The following PPARD variants were observed in gnomAD, a reference collection of about 807,000 sequenced individuals.
PPARD encodes peroxisome proliferator-activated receptor delta.
A neutral mutation model predicts 39.5 loss-of-function variants in PPARD; 6 were observed. That is an observed-to-expected ratio of 0.15 (90% confidence interval 0.08 to 0.30). The LOEUF is 0.30. PPARD is among the 10% of genes least tolerant of loss of function. PPARD has a pLI of 1.00. For missense variants in PPARD, 397 were observed against 596.8 expected (o/e 0.67, Z 3.49); for synonymous variants, 210 against 231.3 (o/e 0.91, Z 0.83).
At chr6:35,357,560 A>G (rs1157811411) in intron 2 of PPARD, among the ~76,000 whole-genome samples, 6 of 148,666 alleles carry the variant, frequency 4.0e-5, no homozygotes, top group African/African-American at 1.5e-4. Flanking sequence ...TTTTTTTAAG[A>G]CAGTCTCACT....
At chr6:35,413,307 A>G (rs1765549063) in intron 3 of PPARD, among the ~76,000 whole-genome samples, 1 of 152,174 alleles carries the variant, frequency 6.6e-6, no homozygotes, top group Non-Finnish European at 1.5e-5. Context: ...CACCAGTCAC[A>G]TGGTACTATG....
chr6:35,362,431 A>G (rs1260611901), intron 2 of PPARD, among the ~76,000 whole-genome samples: 1 of 144,274 alleles, frequency 6.9e-6, no homozygotes, highest in East Asian at 2.0e-4. Flanking sequence ...TGCTCTGCCT[A>G]CTCACCACTC....
At position 35,402,434 on chromosome 6, in the gene PPARD, G is replaced by A. The variant is rs374405331; in HGVS notation, c.-101-8553G>A. On this transcript the variant is annotated intron_variant, in intron 2 of 7. Coordinates refer to ENST00000360694, the MANE Select transcript of PPARD (RefSeq NM_006238.5). ...CCTTTCTCCCTACTGCAGGTGGGTG[G>A]GTGGGCACACCCAAGGCCCCCTTCT... 2.0e-4 allele frequency among the ~76,000 whole-genome samples: 31 copies of A among 152,278 alleles called. No individual in the cohort carries two copies. The South Asian group carries it at 5.6e-3, about 28-fold the overall frequency.
chr6:35,356,649 C>T (rs926959153), intron 2 of PPARD, among the ~76,000 whole-genome samples: 5 of 152,202 alleles, frequency 3.3e-5, no homozygotes, highest in Non-Finnish European at 7.3e-5. Flanking sequence ...TGAGCAGCAT[C>T]CCTGGCTTCT....
At chr6:35,376,649 T>C (rs9658085) in intron 2 of PPARD, among the ~76,000 whole-genome samples, 19,783 of 152,138 alleles carry the variant, frequency 0.13, 2,869 homozygotes, top group African/African-American at 0.36. Flanking sequence ...CACTGCTTAG[T>C]GCGGCACCCC....
In PPARD at chr6:35,425,475, C is replaced by T. The variant is rs1581681254; in HGVS notation, c.1079-357C>T. 6 of 1,058,678 alleles carry T rather than the reference C, an allele frequency of 5.7e-6. No individual in the cohort carries two copies. In the African/African-American group the frequency reaches 8.1e-5, roughly 14 times the overall value. The allele number at this position is 1,058,678 out of a possible 1,614,324, so 65.6% of individuals were successfully genotyped here. ...ATGACTCACTTGATCCTCACAACAA[C>T]CCTGTGCAGGAAGAATGTTTTGTGT... On this transcript the variant is annotated intron_variant, in intron 7 of 7. Transcript: ENST00000360694. This position sits in a 1 kb window ranked among gnomAD's most constrained non-coding sequence, Gnocchi z 4.5.
chr6:35,349,304 C>T lies in PPARD; in HGVS notation c.-102+2154C>T, dbSNP rs372328924. The stretch of plus-strand genomic sequence containing the variant: ...CCTCCCAAAGTGCTGGGATTACAGG[C>T]GTGAGCCACCGCGCCCGGCCTCTTC... On this transcript the variant is annotated intron_variant, in intron 2 of 7. Coordinates refer to ENST00000360694, the MANE Select transcript of PPARD (RefSeq NM_006238.5). 3.2e-4 allele frequency among the ~76,000 whole-genome samples: 48 copies of T among 152,298 alleles called. 1 individual carries two copies. In the East Asian group the frequency reaches 6.8e-3, roughly 21 times the overall value.
At chr6:35,394,953 A>G (rs1764232449) in intron 2 of PPARD, among the ~76,000 whole-genome samples, 1 of 152,160 alleles carries the variant, frequency 6.6e-6, no homozygotes, top group Admixed American at 6.5e-5. Context: ...ACAGATAGAA[A>G]GCCTGAGCCA....
In PPARD at chr6:35,348,057, G is replaced by A. The variant is rs541547061; in HGVS notation, c.-102+907G>A. Among the ~76,000 whole-genome samples, 13 of 151,714 alleles carry A rather than the reference G, an allele frequency of 8.6e-5. No individual in the cohort carries two copies. The South Asian group carries it at 1.5e-3, about 17-fold the overall frequency. On this transcript the variant is annotated intron_variant, in intron 2 of 7. Transcript: ENST00000360694. ...TGAGTAGCTGAGATTACAGGCATGC[G>A]CCACCACATCTGGCTAAATTTTGTA...
At chr6:35,392,934 G>T (rs370157151) in intron 2 of PPARD, among the ~76,000 whole-genome samples, 16 of 152,176 alleles carry the variant, frequency 1.1e-4, no homozygotes, top group African/African-American at 3.9e-4. Context: ...GGAAAAACTG[G>T]CTCCGGCTGA....
At chr6:35,385,302 G>T (rs1416184506) in intron 2 of PPARD, among the ~76,000 whole-genome samples, 1 of 150,064 alleles carries the variant, frequency 6.7e-6, no homozygotes, top group Non-Finnish European at 1.5e-5. Context: ...GAAAACTTCT[G>T]CCTTGGGATC....
At chr6:35,388,277 G>T (rs1330597582) in intron 2 of PPARD, among the ~76,000 whole-genome samples, 2 of 152,156 alleles carry the variant, frequency 1.3e-5, no homozygotes, top group East Asian at 3.9e-4. Flanking sequence ...TGAGGAGCAG[G>T]CTGTAGATGT....
At chr6:35,371,647 C>T (rs938011239) in intron 2 of PPARD, among the ~76,000 whole-genome samples, 8 of 152,194 alleles carry the variant, frequency 5.3e-5, no homozygotes, top group Admixed American at 1.3e-4. Flanking sequence ...TTTCTCCCCA[C>T]TGATTTTCCT....
chr6:35,388,370 A>T (rs1471419787), intron 2 of PPARD, among the ~76,000 whole-genome samples: 1 of 152,110 alleles, frequency 6.6e-6, no homozygotes, highest in East Asian at 1.9e-4. Context: ...GGGGGCAGGA[A>T]GGGGAGAGCT....
rs1046609453 is a variant in PPARD, at chr6:35,363,661, C to T, written c.-102+16511C>T. The stretch of plus-strand genomic sequence containing the variant: ...CCAAGAGTCAGAAAGTGGGAAGTCA[C>T]GGGGGAGATGAAGGGCGAGTGAGCA... On this transcript the variant is annotated intron_variant, in intron 2 of 7. Transcript: ENST00000360694. The surrounding 1 kb of genome is among the most constrained non-coding windows in gnomAD (Gnocchi z 4.5). 1.3e-5 allele frequency among the ~76,000 whole-genome samples: 2 copies of T among 151,814 alleles called. No individual in the cohort carries two copies. Among genetic ancestry groups the T allele is most frequent in the African/African-American group, 2.4e-5 (1 of 41,294 alleles).
rs540687692 is a variant in PPARD at position 35,377,871 on chromosome 6, C to CTTTTTT, written c.-102+30727_-102+30732dup. On this transcript the variant is annotated intron_variant, in intron 2 of 7. Coordinates refer to ENST00000360694, the MANE Select transcript of PPARD (RefSeq NM_006238.5). ...TGTGGGTCGCTGCTTGTTTACGTAT[C>CTTTTTT]TTTTTTTTTTTGAGACAGAGTGTTG... Among the ~76,000 whole-genome samples the CTTTTTT allele has an allele frequency of 6.6e-5, 8 of 120,362 alleles. 1 individual carries two copies. Among genetic ancestry groups the CTTTTTT allele is most frequent in the African/African-American group, 3.1e-4 (7 of 22,816 alleles). 79.0% of individuals were successfully genotyped at this position (120,362 alleles called of 152,430 possible).
chr6:35,406,517 CAGTT>C (rs1468731592), intron 2 of PPARD, among the ~76,000 whole-genome samples: 1 of 152,200 alleles, frequency 6.6e-6, no homozygotes, highest in Non-Finnish European at 1.5e-5. Flanking sequence ...TGCAGCACAG[CAGTT>C]CAATCTAAAT....
chr6:35,347,688 CA>C (rs1488496236), intron 2 of PPARD, among the ~76,000 whole-genome samples: 11 of 150,888 alleles, frequency 7.3e-5, no homozygotes, highest in South Asian at 4.2e-4. Flanking sequence ...GGCTCACTGC[CA>C]CCTCCTTCTC....
At chr6:35,395,205 A>G (rs1274962447) in intron 2 of PPARD, among the ~76,000 whole-genome samples, 1 of 152,204 alleles carries the variant, frequency 6.6e-6, no homozygotes, top group African/African-American at 2.4e-5. Flanking sequence ...GAGAAGAGGT[A>G]GAAGACACGC....
Sources: gnomAD v4.1 joint callset for allele counts (sites outside exome capture counted in the v4.1 genomes callset) on GRCh38, gnomAD v4.1.1 for gene constraint, Gnocchi (gnomAD v3.1) non-coding constraint, MANE v1.5 for transcripts, NCBI Gene and HGNC (gene_info 2026-07-23, HGNC 2026-07-21) for gene names.